EYA4: variants seen among roughly 807,000 people sequenced by gnomAD.
The protein encoded by EYA4 is protein phosphatase EYA4.
EYA4 carries 31 observed loss-of-function variants against 87.9 expected under a neutral mutation model. The ratio of observed to expected loss-of-function variants is 0.35; its 90% CI spans 0.27 to 0.48. EYA4 has a LOEUF of 0.48. Among genes scored for constraint, EYA4 ranks in the 20% least tolerant of loss-of-function variants. The pLI, the probability that EYA4 is intolerant of heterozygous loss-of-function variation, is 0.99. For synonymous variants in EYA4, 263 were observed against 270.6 expected (o/e 0.97, Z 0.28); for missense variants, 678 against 761.4 (o/e 0.89, Z 1.29).
chr6:133,304,919 A>G (rs1042910517), intron 2 of EYA4, among the ~76,000 whole-genome samples: 3 of 152,152 alleles, frequency 2.0e-5, no homozygotes, highest in African/African-American at 7.2e-5. Flanking sequence ...ATATCAGTGA[A>G]ATATACAGTC....
At chr6:133,395,874 T>TG (rs778042338) in intron 3 of EYA4, among the ~76,000 whole-genome samples, 4 of 152,242 alleles carry the variant, frequency 2.6e-5, no homozygotes, top group Non-Finnish European at 4.4e-5. Flanking sequence ...TCAGCATCCC[T>TG]TTTGGATAGA....
At chr6:133,353,919 A>C (rs1487618042) in intron 2 of EYA4, among the ~76,000 whole-genome samples, 2 of 152,154 alleles carry the variant, frequency 1.3e-5, no homozygotes, top group Non-Finnish European at 2.9e-5. Context: ...TCTGACATTA[A>C]ATATTCTAAT....
intron 13 of EYA4, among the ~76,000 whole-genome samples, chr6:133,489,719 T>C (rs1390387871): frequency 6.6e-6 from 1 of 151,646 alleles, no homozygotes; most frequent in Non-Finnish European, 1.5e-5. Context: ...AAAAACTGAG[T>C]GATTTCATCA....
chr6:133,244,047 T>G (rs1774202144), intron 1 of EYA4, among the ~76,000 whole-genome samples: 1 of 152,210 alleles, frequency 6.6e-6, no homozygotes. Context: ...GTTAAAACCT[T>G]TGACAGCTAC....
chr6:133,484,086 G>A (rs960061385), intron 13 of EYA4, among the ~76,000 whole-genome samples: 3 of 152,060 alleles, frequency 2.0e-5, no homozygotes, highest in South Asian at 2.1e-4. Flanking sequence ...GTGCTTCTCC[G>A]AAGACTGATG....
chr6:133,431,315 C>CT (rs1385734252), intron 3 of EYA4, among the ~76,000 whole-genome samples: 5 of 152,290 alleles, frequency 3.3e-5, no homozygotes, highest in African/African-American at 7.2e-5. Flanking sequence ...GGTTATCACT[C>CT]TAACTGCCTT....
At chr6:133,379,162 C>T (rs1476174389) in intron 2 of EYA4, among the ~76,000 whole-genome samples, 19 of 151,972 alleles carry the variant, frequency 1.3e-4, no homozygotes, top group Admixed American at 7.2e-4. Context: ...GACCCAGTTA[C>T]GTGGAAGGCT....
chr6:133,429,873 A>G (rs1402061232), intron 3 of EYA4, among the ~76,000 whole-genome samples: 2 of 152,182 alleles, frequency 1.3e-5, no homozygotes, highest in East Asian at 3.9e-4. Context: ...TTTTATTTAT[A>G]ATTTCAACTT....
At chr6:133,488,376 C>G (rs1397101224) in intron 13 of EYA4, among the ~76,000 whole-genome samples, 2 of 152,108 alleles carry the variant, frequency 1.3e-5, no homozygotes, top group African/African-American at 4.8e-5. Context: ...GTTTTGCCAC[C>G]TGCTGATTGT....
intron 2 of EYA4, among the ~76,000 whole-genome samples, chr6:133,381,075 CTTTTTTT>C (rs5880181): frequency 1.0e-5 from 1 of 96,818 alleles, no homozygotes; most frequent in Non-Finnish European, 1.9e-5. Context: ...TTTTTTTTTT[CTTTTTTT>C]TTTTTTTTTT....
intron 2 of EYA4, among the ~76,000 whole-genome samples, chr6:133,322,278 G>T (rs1781150663): frequency 6.6e-6 from 1 of 152,178 alleles, no homozygotes; most frequent in African/African-American, 2.4e-5. Context: ...GTAAGCCAGA[G>T]CTATTATAGG....
intron 2 of EYA4, among the ~76,000 whole-genome samples, chr6:133,299,765 A>AAAATC (rs1779231649): frequency 6.7e-6 from 1 of 150,124 alleles, no homozygotes; most frequent in African/African-American, 2.4e-5. Context: ...AAAATAAAAT[A>AAAATC]AAAACACTTA....
chr6:133,356,777 GTGTGTGTGTGTGTGTATATA>G (rs1436567421), intron 2 of EYA4, among the ~76,000 whole-genome samples: 1 of 144,570 alleles, frequency 6.9e-6, no homozygotes. Flanking sequence ...GTGTGTGTGT[GTGTGTGTGTGTGTGTATATA>G]TATATTTTAT....
At chr6:133,279,733 G>T (rs1025568916) in intron 2 of EYA4, among the ~76,000 whole-genome samples, 4 of 152,010 alleles carry the variant, frequency 2.6e-5, no homozygotes, top group African/African-American at 9.7e-5. Context: ...TGTTCCTAGA[G>T]ATCCTACAGT....
intron 18 of EYA4, among the ~76,000 whole-genome samples, chr6:133,523,656 G>A (rs1800380641): frequency 6.6e-6 from 1 of 152,142 alleles, no homozygotes; most frequent in South Asian, 2.1e-4. Context: ...TGAGCGACTG[G>A]AAATCTGCAT....
intron 2 of EYA4, among the ~76,000 whole-genome samples, chr6:133,348,077 C>G (rs1783333920): frequency 6.6e-6 from 1 of 152,202 alleles, no homozygotes; most frequent in African/African-American, 2.4e-5. Flanking sequence ...AAAATCAGTT[C>G]CTTCCATCCT....
chr6:133,420,675 T>C (rs1474182451), intron 3 of EYA4, among the ~76,000 whole-genome samples: 1 of 152,232 alleles, frequency 6.6e-6, no homozygotes, highest in Admixed American at 6.5e-5. Flanking sequence ...CTTGACCAAC[T>C]TTAACACTTG....
intron 3 of EYA4, 121 bp downstream of exon 3, chr6:133,382,562 T>G (rs1217972999): frequency 1.5e-5 from 12 of 799,614 alleles, no homozygotes; most frequent in Non-Finnish European, 2.7e-5. Context: ...AGAACTTATC[T>G]TGATGGAAAC....
At chr6:133,483,245 C>CTAT in intron 13 of EYA4, 130 bp downstream of exon 13, 1 of 688,788 alleles carries the variant, frequency 1.5e-6, no homozygotes, top group Non-Finnish European at 2.5e-6. Flanking sequence ...TCTTAATTAT[C>CTAT]TATTTCTAGT....
Sources: allele counts gnomAD v4.1 joint callset (sites outside exome capture counted in the v4.1 genomes callset), GRCh38; gene constraint gnomAD v4.1.1; transcripts MANE v1.5; gene names NCBI Gene and HGNC (gene_info 2026-07-23, HGNC 2026-07-21).